Variants in RELN observed in about 807,000 individuals in gnomAD.
The protein encoded by RELN is reelin.
A neutral mutation model predicts 427.6 loss-of-function variants in RELN; 108 were observed. The observed-to-expected ratio is 0.25, with a 90% CI of 0.22 to 0.30. The LOEUF (loss-of-function observed/expected upper bound fraction) is 0.30, where lower values mean the gene tolerates loss of function less well. RELN is among the 10% of genes least tolerant of loss of function. RELN has a pLI of 1.00. For missense variants in RELN, 3,715 were observed against 4,302.8 expected, an observed-to-expected ratio of 0.86 and a Z score of 3.82; for synonymous variants, 1,524 against 1,513.4, an observed-to-expected ratio of 1.01 and a Z score of -0.16.
intron 2 of RELN, among the ~76,000 whole-genome samples, chr7:103,887,469 T>C (rs1424965680): frequency 6.6e-6 from 1 of 152,078 alleles, no homozygotes; most frequent in African/African-American, 2.4e-5. Flanking sequence ...AACTCAAATA[T>C]TGGCAACTGA....
chr7:103,681,739 T>C (rs1019666231), intron 11 of RELN, among the ~76,000 whole-genome samples: 1 of 152,176 alleles, frequency 6.6e-6, no homozygotes, highest in Admixed American at 6.5e-5. Flanking sequence ...GAAAATCAGG[T>C]AGCAGCATCT....
At chr7:103,509,939 A>G (rs6966385) in intron 51 of RELN, among the ~76,000 whole-genome samples, 2,483 of 152,342 alleles carry the variant, frequency 0.016, 64 homozygotes, top group African/African-American at 0.053. Flanking sequence ...CCACATTGAG[A>G]TACCATCTCA....
intron 4 of RELN, among the ~76,000 whole-genome samples, chr7:103,759,611 A>T (rs1218123598): frequency 6.6e-6 from 1 of 152,134 alleles, no homozygotes; most frequent in Non-Finnish European, 1.5e-5. Flanking sequence ...GTGAAAAATT[A>T]TTTTTAAAAA....
At chr7:103,901,593 G>A (rs536743998) in intron 2 of RELN, among the ~76,000 whole-genome samples, 1 of 151,930 alleles carries the variant, frequency 6.6e-6, no homozygotes, top group Non-Finnish European at 1.5e-5. Flanking sequence ...GTACTAACAC[G>A]TGCTTCAATA....
chr7:103,777,052 T>A (rs1354143612), intron 3 of RELN, among the ~76,000 whole-genome samples: 1 of 152,102 alleles, frequency 6.6e-6, no homozygotes, highest in Admixed American at 6.5e-5. Flanking sequence ...ACTTATAGAG[T>A]TGAGACAGAG....
chr7:103,948,479 C>T (rs1796263707), intron 1 of RELN, among the ~76,000 whole-genome samples: 2 of 152,218 alleles, frequency 1.3e-5, no homozygotes, highest in South Asian at 4.2e-4. Flanking sequence ...TGGAGACCAT[C>T]CTGGCCAACA....
At chr7:103,806,647 T>A (rs1326174024) in intron 3 of RELN, among the ~76,000 whole-genome samples, 1 of 151,970 alleles carries the variant, frequency 6.6e-6, no homozygotes, top group Non-Finnish European at 1.5e-5. Context: ...TATGGAAAAA[T>A]ATGATTTATC....
At chr7:103,936,749 C>G (rs879317396) in intron 1 of RELN, among the ~76,000 whole-genome samples, 9,582 of 82,876 alleles carry the variant, frequency 0.12, 498 homozygotes, top group East Asian at 0.25. Flanking sequence ...GACAGACACA[C>G]ACACACACAC....
intron 8 of RELN, 99 bp downstream of exon 8, chr7:103,723,041 G>A (rs1388454221): frequency 9.3e-6 from 7 of 754,196 alleles, no homozygotes; most frequent in African/African-American, 5.2e-5. Flanking sequence ...TTACTATTCT[G>A]TAAATCCAAA....
intron 6 of RELN, among the ~76,000 whole-genome samples, chr7:103,742,219 G>A (rs1477564508): frequency 3.9e-5 from 6 of 152,078 alleles, no homozygotes; most frequent in Non-Finnish European, 8.8e-5. Flanking sequence ...TCTGTTAGAA[G>A]GAAAACTAAC....
intron 1 of RELN, among the ~76,000 whole-genome samples, chr7:103,945,398 T>C (rs146516335): frequency 6.6e-6 from 1 of 152,174 alleles, no homozygotes; most frequent in Admixed American, 6.5e-5. Flanking sequence ...CCTAATCTGT[T>C]AAGAAAACCA....
intron 8 of RELN, among the ~76,000 whole-genome samples, chr7:103,706,243 G>C (rs1264808885): frequency 6.6e-6 from 1 of 151,606 alleles, no homozygotes; most frequent in Non-Finnish European, 1.5e-5. Flanking sequence ...AAAAGGAGCT[G>C]CTCTGAGAGC....
chr7:103,905,435 T>G (rs1795181630), intron 2 of RELN, among the ~76,000 whole-genome samples: 1 of 152,184 alleles, frequency 6.6e-6, no homozygotes, highest in South Asian at 2.1e-4. Context: ...TTGTATAGTT[T>G]TAAATGCATG....
In RELN at chr7:103,540,202, C is replaced by T. The variant is rs138978280; in HGVS notation, c.6925G>A (p.Asp2309Asn). The T allele has an allele frequency of 2.0e-4, 320 of 1,614,026 alleles. No homozygotes were observed. The highest frequency in any genetic ancestry group is 2.4e-4 in the Non-Finnish European group (285 of 1,180,040). ...NGHFYSPWVI[D>N]QILIGGNISG... is the part of the protein sequence containing the mutation. The stretch of plus-strand genomic sequence containing the variant: ...TTAATCCTGAAGGGACTGACCTGAT[C>T]GATAACCCAGGGGCTGTAGAAGTGC... Residue 2309 changes from aspartate to asparagine, a missense_variant, in exon 44 of 65, where the codon GAT becomes AAT. Asp to Asn is a conservative substitution (Grantham distance 23, BLOSUM62 1). Coordinates refer to ENST00000428762, the MANE Select transcript of RELN (RefSeq NM_005045.4).
intron 6 of RELN, among the ~76,000 whole-genome samples, chr7:103,741,242 C>T (rs938438529): frequency 1.3e-5 from 2 of 152,128 alleles, no homozygotes; most frequent in Non-Finnish European, 2.9e-5. Flanking sequence ...TATCTGATTT[C>T]ACTAGATGCT....
chr7:103,933,642 G>A (rs1175196755), intron 1 of RELN, among the ~76,000 whole-genome samples: 1 of 152,092 alleles, frequency 6.6e-6, no homozygotes, highest in Non-Finnish European at 1.5e-5. Flanking sequence ...TTGCCTAAGA[G>A]CTAGTTAGAG....
chr7:103,938,910 G>GCTAAAA (rs1419307886), intron 1 of RELN, among the ~76,000 whole-genome samples: 1 of 151,670 alleles, frequency 6.6e-6, no homozygotes, highest in African/African-American at 2.4e-5. Flanking sequence ...ATTTTTATGA[G>GCTAAAA]CTAAAAAAGT....
At chr7:103,689,578 C>T (rs962694104) in intron 10 of RELN, among the ~76,000 whole-genome samples, 1 of 152,046 alleles carries the variant, frequency 6.6e-6, no homozygotes, top group South Asian at 2.1e-4. Flanking sequence ...TGGCTGCCAC[C>T]AAAGACGAGC....
At position 103,640,473 on chromosome 7, in the gene RELN, G is replaced by T; in HGVS notation, c.2069+70C>A. On this transcript the variant is annotated intron_variant, in intron 17 of 64. Transcript: ENST00000428762. This position sits in a 1 kb window ranked among gnomAD's most constrained non-coding sequence, Gnocchi z 4.1. ...CCGATCCTAAAAAAGGTTATTAAAT[G>T]ACTTGCGACTTCAACACATACATTA... The T allele has an allele frequency of 1.3e-6, 2 of 1,484,908 alleles. No homozygotes were observed. Among genetic ancestry groups the T allele is most frequent in the South Asian group, 1.1e-5 (1 of 88,222 alleles). The allele number at this position is 1,484,908 out of a possible 1,614,324, so 92.0% of individuals were successfully genotyped here.
Sources: gnomAD v4.1 joint callset for allele counts (sites outside exome capture counted in the v4.1 genomes callset) on GRCh38, gnomAD v4.1.1 for gene constraint, Gnocchi (gnomAD v3.1) non-coding constraint, MANE v1.5 for transcripts, NCBI Gene and HGNC (gene_info 2026-07-23, HGNC 2026-07-21) for gene names.